CDH13: variants seen among roughly 807,000 people sequenced by gnomAD.
CDH13 encodes the protein cadherin 13.
Under a neutral mutation model 63.8 loss-of-function variants are expected in CDH13, and 24 were observed. The ratio of observed to expected loss-of-function variants is 0.38; its 90% CI spans 0.27 to 0.53. The LOEUF is 0.53. Ranked by LOEUF, CDH13 falls within the 20% of genes least tolerant of loss-of-function variation. The pLI, the probability that CDH13 is intolerant of heterozygous loss-of-function variation, is 0.85. For synonymous variants in CDH13, 503 were observed against 355.3 expected, an observed-to-expected ratio of 1.42 and a Z score of -4.67; for missense variants, 1,049 against 903.1, an observed-to-expected ratio of 1.16 and a Z score of -2.07.
Position 83,599,058 on chromosome 16 carries a change from C to G in CDH13, c.961-3396C>G, listed in dbSNP as rs1403060586. ...GATCAGGAGTGGGGTCAGCCCCACC[C>G]ACCTGAACTGTACCTGTACTGAGGG... is the stretch of plus-strand genomic sequence containing the variant. On this transcript the variant is annotated intron_variant, in intron 7 of 13. Transcript: ENST00000567109. 3.9e-5 allele frequency among the ~76,000 whole-genome samples: 6 copies of G among 152,182 alleles called. No individual in the cohort carries two copies. The South Asian group carries it at 1.0e-3, about 26-fold the overall frequency.
chr16:82,819,193 A>C (rs953307966), intron 1 of CDH13, among the ~76,000 whole-genome samples: 2 of 152,198 alleles, frequency 1.3e-5, no homozygotes, highest in African/African-American at 4.8e-5. Context: ...TAGGTGAGTA[A>C]TCCTGTAGTT....
intron 3 of CDH13, among the ~76,000 whole-genome samples, chr16:83,033,635 C>A (rs918045688): frequency 2.0e-5 from 3 of 152,174 alleles, no homozygotes; most frequent in Admixed American, 2.0e-4. Context: ...CAGGCACATG[C>A]ATGCAGATCC....
intron 5 of CDH13, among the ~76,000 whole-genome samples, chr16:83,233,544 G>A (rs1439295660): frequency 1.3e-5 from 2 of 152,194 alleles, no homozygotes; most frequent in Non-Finnish European, 2.9e-5. Flanking sequence ...TGTGGGCAGA[G>A]CTGGCTTCTT....
chr16:82,887,798 G>A (rs1257095823), intron 2 of CDH13, among the ~76,000 whole-genome samples: 1 of 152,066 alleles, frequency 6.6e-6, no homozygotes, highest in East Asian at 1.9e-4. Flanking sequence ...CTCTAGCCTG[G>A]GTAACAGAGT....
At chr16:83,001,607 G>A (rs1302121560) in intron 2 of CDH13, among the ~76,000 whole-genome samples, 1 of 152,214 alleles carries the variant, frequency 6.6e-6, no homozygotes, top group Non-Finnish European at 1.5e-5. Context: ...GTTCTAAGGA[G>A]TTATCTGGCA....
chr16:83,581,705 G>C (rs1406357331), intron 7 of CDH13, among the ~76,000 whole-genome samples: 1 of 152,182 alleles, frequency 6.6e-6, no homozygotes, highest in Non-Finnish European at 1.5e-5. Flanking sequence ...TGTAGTCCCA[G>C]CTGCTAGGGA....
rs80337711 is a variant in CDH13 at position 82,815,559 on chromosome 16, A to C, written c.46-42803A>C. 5.7e-3 allele frequency among the ~76,000 whole-genome samples: 873 copies of C among 152,300 alleles called. 4 individuals carry two copies. The highest frequency in any genetic ancestry group is 9.2e-3 in the Non-Finnish European group (625 of 68,022). On this transcript the variant is annotated intron_variant, in intron 1 of 13. Transcript: ENST00000567109. ...TTCAGAAACAAGCTGGTTTCATTAA[A>C]GCCCACTGCTCTCAAAAGGCAATTC...
intron 5 of CDH13, among the ~76,000 whole-genome samples, chr16:83,329,220 C>CTTGTT (rs949019412): frequency 1.1e-4 from 17 of 152,052 alleles, no homozygotes; most frequent in Admixed American, 2.6e-4. Context: ...TAAAGGGTTT[C>CTTGTT]TTGTTTTGTT....
chr16:83,260,187 G>A (rs902591731), intron 5 of CDH13, among the ~76,000 whole-genome samples: 1 of 150,204 alleles, frequency 6.7e-6, no homozygotes, highest in Non-Finnish European at 1.5e-5. Context: ...AGTCTATGTG[G>A]TGCTTTGTAG....
At chr16:82,924,063 C>G in intron 2 of CDH13, among the ~76,000 whole-genome samples, 1 of 152,328 alleles carries the variant, frequency 6.6e-6, no homozygotes, top group East Asian at 1.9e-4. Flanking sequence ...TTTTTATATT[C>G]AATCAAAGTT....
At chr16:82,802,169 TG>T (rs1480190806) in intron 1 of CDH13, among the ~76,000 whole-genome samples, 1 of 152,156 alleles carries the variant, frequency 6.6e-6, no homozygotes, top group Non-Finnish European at 1.5e-5. Flanking sequence ...GCTTTCCACC[TG>T]CCAAGAGAGG....
chr16:83,347,677 G>A (rs994188686), intron 6 of CDH13, among the ~76,000 whole-genome samples: 1 of 152,164 alleles, frequency 6.6e-6, no homozygotes. Context: ...TCAGGAACTT[G>A]ACAAAGTTAC....
chr16:83,128,311 A>G (rs1358291056), intron 4 of CDH13, among the ~76,000 whole-genome samples: 1 of 152,214 alleles, frequency 6.6e-6, no homozygotes, highest in African/African-American at 2.4e-5. Context: ...CTACATTAGC[A>G]TCGCCTGGGA....
intron 11 of CDH13, among the ~76,000 whole-genome samples, chr16:83,773,955 T>C (rs1914933602): frequency 6.6e-6 from 1 of 152,144 alleles, no homozygotes; most frequent in Non-Finnish European, 1.5e-5. Flanking sequence ...CTGCCTGGCA[T>C]GGTCTTGTAG....
intron 10 of CDH13, among the ~76,000 whole-genome samples, chr16:83,746,342 C>T (rs1232252995): frequency 6.6e-6 from 1 of 152,148 alleles, no homozygotes; most frequent in African/African-American, 2.4e-5. Context: ...GTGGTCTTCT[C>T]CTTTTCTGTG....
chr16:82,783,968 G>C (rs1339574054), intron 1 of CDH13, among the ~76,000 whole-genome samples: 1 of 152,130 alleles, frequency 6.6e-6, no homozygotes, highest in Non-Finnish European at 1.5e-5. Context: ...AATTCAATTT[G>C]TTTTTTTCTT....
chr16:83,192,705 C>T (rs1001821041), intron 4 of CDH13, among the ~76,000 whole-genome samples: 2 of 152,068 alleles, frequency 1.3e-5, no homozygotes, highest in African/African-American at 2.4e-5. Flanking sequence ...ATCACCAAGC[C>T]GTTCCCATGG....
intron 4 of CDH13, among the ~76,000 whole-genome samples, chr16:83,150,438 C>G (rs2036929285): frequency 6.6e-6 from 1 of 152,114 alleles, no homozygotes; most frequent in African/African-American, 2.4e-5. Flanking sequence ...CACATTCTGG[C>G]TTTTTCTTAT....
intron 5 of CDH13, among the ~76,000 whole-genome samples, chr16:83,294,675 G>T (rs2089546860): frequency 6.6e-6 from 1 of 151,602 alleles, no homozygotes; most frequent in African/African-American, 2.4e-5. Context: ...ATTGAACAAG[G>T]GAAGTGAATG....
Sources: gnomAD v4.1 joint callset for allele counts (sites outside exome capture counted in the v4.1 genomes callset) on GRCh38, gnomAD v4.1.1 for gene constraint, MANE v1.5 for transcripts, NCBI Gene and HGNC (gene_info 2026-07-23, HGNC 2026-07-21) for gene names.